The following TEK variants were observed in gnomAD, a reference collection of about 807,000 sequenced individuals.
TEK encodes angiopoietin-1 receptor.
Under a neutral mutation model 131.8 loss-of-function variants are expected in TEK, and 43 were observed. That is an observed-to-expected ratio of 0.33 (90% CI 0.26 to 0.42). The LOEUF is 0.42. TEK is among the 10% of genes least tolerant of loss of function. The probability of loss-of-function intolerance (pLI) is 1.00; values close to 1 mark genes in which losing one functional copy is unlikely to be tolerated. For missense variants in TEK, 1,162 were observed against 1,384.4 expected, an observed-to-expected ratio of 0.84 and a Z score of 2.55; for synonymous variants, 580 against 491.6, an observed-to-expected ratio of 1.18 and a Z score of -2.38.
chr9:27,208,470 A>T (rs1015289629), intron 15 of TEK, among the ~76,000 whole-genome samples: 1 of 152,142 alleles, frequency 6.6e-6, no homozygotes, highest in Non-Finnish European at 1.5e-5. Context: ...TTAAAGTGCT[A>T]GTGGAGAGAC....
intron 1 of TEK, among the ~76,000 whole-genome samples, chr9:27,125,345 TCAAA>T (rs1564041120): frequency 1.3e-5 from 2 of 152,364 alleles, no homozygotes; most frequent in East Asian, 1.9e-4. Context: ...GCTTCTGGAA[TCAAA>T]CAAAAGACAG....
At chr9:27,162,312 A>G (rs1430700367) in intron 2 of TEK, among the ~76,000 whole-genome samples, 1 of 152,190 alleles carries the variant, frequency 6.6e-6, no homozygotes, top group East Asian at 1.9e-4. Flanking sequence ...TGGAAAATCC[A>G]TTTGAGATGT....
intron 1 of TEK, among the ~76,000 whole-genome samples, chr9:27,113,134 C>T (rs1821410035): frequency 6.6e-6 from 1 of 152,230 alleles, no homozygotes; most frequent in Non-Finnish European, 1.5e-5. Flanking sequence ...ACATGGATTA[C>T]AAAGTCAAAG....
At chr9:27,154,006 GAA>G (rs572360159) in intron 1 of TEK, among the ~76,000 whole-genome samples, 14 of 152,138 alleles carry the variant, frequency 9.2e-5, no homozygotes, top group Admixed American at 9.2e-4. Flanking sequence ...TTAGTTCAAA[GAA>G]GAGAGAAAGA....
Position 27,149,364 on chromosome 9 carries a change from T to G in TEK, c.53-8467T>G, listed in dbSNP as rs551426303. On this transcript the variant is annotated intron_variant, in intron 1 of 22. Transcript: ENST00000380036. Reference sequence around the variant, plus strand: ...TTCAGGGTTTTTTAACCTATAAAATTGAGTGTAAATGCTTTCCTTCAATAG... The same window carrying G: ...TTCAGGGTTTTTTAACCTATAAAATGGAGTGTAAATGCTTTCCTTCAATAG... 3.3e-5 allele frequency among the ~76,000 whole-genome samples: 5 copies of G among 152,282 alleles called. No individual in the cohort carries two copies. In the South Asian group the frequency reaches 6.2e-4, roughly 19 times the overall value.
Position 27,221,497 on chromosome 9 carries a change from A to T in TEK, c.3200+1352A>T, listed in dbSNP as rs552616947. On this transcript the variant is annotated intron_variant, in intron 21 of 22. Coordinates refer to ENST00000380036, the MANE Select transcript of TEK (RefSeq NM_000459.5). ...CCCTGACTGGGAGACATCTCCCAGTAGGGGTCGACAGGACATCTTATACAG... is the reference window on the plus strand; with the variant it reads ...CCCTGACTGGGAGACATCTCCCAGTTGGGGTCGACAGGACATCTTATACAG... 1.1e-4 allele frequency among the ~76,000 whole-genome samples: 16 copies of T among 152,124 alleles called. No homozygotes were observed. In the South Asian group the frequency reaches 3.3e-3, roughly 32 times the overall value.
At chr9:27,139,212 C>CAA (rs746301649) in intron 1 of TEK, among the ~76,000 whole-genome samples, 4 of 57,414 alleles carry the variant, frequency 7.0e-5, no homozygotes, top group South Asian at 6.5e-4. Flanking sequence ...GACTCTGTCT[C>CAA]AAAAAAAAAA....
At chr9:27,115,409 G>A (rs1171963423) in intron 1 of TEK, among the ~76,000 whole-genome samples, 2 of 152,084 alleles carry the variant, frequency 1.3e-5, no homozygotes, top group Admixed American at 1.3e-4. Flanking sequence ...TGAAGTGGGA[G>A]GATTGCTGGA....
At chr9:27,155,764 C>A (rs1823307995) in intron 1 of TEK, among the ~76,000 whole-genome samples, 1 of 151,288 alleles carries the variant, frequency 6.6e-6, no homozygotes, top group Admixed American at 6.6e-5. Flanking sequence ...TTTTTTTGCC[C>A]CAAAACAGTT....
intron 21 of TEK, among the ~76,000 whole-genome samples, chr9:27,221,598 C>G (rs1418856579): frequency 6.6e-6 from 1 of 152,184 alleles, no homozygotes; most frequent in Non-Finnish European, 1.5e-5. Context: ...TCTGCAGCCT[C>G]TGCTAGTGAT....
At chr9:27,131,696 A>G (rs1475134211) in intron 1 of TEK, among the ~76,000 whole-genome samples, 1 of 151,616 alleles carries the variant, frequency 6.6e-6, no homozygotes, top group East Asian at 1.9e-4. Context: ...CTGTAGTCCC[A>G]GCTACTCAGG....
intron 9 of TEK, among the ~76,000 whole-genome samples, chr9:27,187,276 C>A (rs923257629): frequency 1.3e-5 from 2 of 152,150 alleles, no homozygotes; most frequent in Admixed American, 6.6e-5. Flanking sequence ...ATGTAAATAG[C>A]CATTAGGGAA....
chr9:27,169,770 G>A, intron 4 of TEK, 141 bp downstream of exon 4: 3 of 1,195,414 alleles, frequency 2.5e-6, no homozygotes, highest in South Asian at 1.3e-5. Flanking sequence ...CTGTTCTTAT[G>A]CTGCAAAGCA....
intron 6 of TEK, among the ~76,000 whole-genome samples, chr9:27,176,985 C>T (rs1824194222): frequency 6.6e-6 from 1 of 152,204 alleles, no homozygotes; most frequent in South Asian, 2.1e-4. Context: ...TGGTGCCCTC[C>T]AGGTTCATCC....
intron 1 of TEK, among the ~76,000 whole-genome samples, chr9:27,122,039 C>G (rs544924650): frequency 6.6e-6 from 1 of 152,140 alleles, no homozygotes; most frequent in African/African-American, 2.4e-5. Flanking sequence ...ATAGACAAGA[C>G]CTTGGGCACA....
At chr9:27,132,351 G>A (rs1319843316) in intron 1 of TEK, among the ~76,000 whole-genome samples, 7 of 152,072 alleles carry the variant, frequency 4.6e-5, no homozygotes, top group Non-Finnish European at 1.0e-4. Context: ...CTCCGAAAGT[G>A]TGATTTTTTT....
chr9:27,192,373 C>A, intron 10 of TEK, 116 bp from the exon 11 acceptor site: 1 of 1,179,376 alleles, frequency 8.5e-7, no homozygotes, highest in Non-Finnish European at 1.3e-6. Context: ...CTCTCTGTTT[C>A]ACTAAGACGT....
intron 21 of TEK, among the ~76,000 whole-genome samples, chr9:27,224,998 T>C (rs1287914596): frequency 6.6e-5 from 10 of 152,170 alleles, no homozygotes; most frequent in African/African-American, 2.2e-4. Flanking sequence ...GAGTGAACTC[T>C]CATTCACAAC....
intron 1 of TEK, among the ~76,000 whole-genome samples, chr9:27,126,250 TTTCTCC>T (rs1730967613): frequency 6.6e-6 from 1 of 152,198 alleles, no homozygotes. Flanking sequence ...ACACATAAGT[TTTCTCC>T]TAAGGCATAT....
Sources: gnomAD v4.1 joint callset for allele counts (sites outside exome capture counted in the v4.1 genomes callset) on GRCh38, gnomAD v4.1.1 for gene constraint, MANE v1.5 for transcripts, NCBI Gene and HGNC (gene_info 2026-07-23, HGNC 2026-07-21) for gene names.